Variants in UGT8 observed in about 807,000 individuals in gnomAD.
UGT8 encodes the protein UDP glycosyltransferase 8.
A neutral mutation model predicts 40.5 loss-of-function variants in UGT8; 12 were observed. The ratio of observed to expected loss-of-function variants is 0.30; its 90% CI spans 0.19 to 0.48. The LOEUF (loss-of-function observed/expected upper bound fraction) is 0.48. Ranked by LOEUF, UGT8 falls within the 20% of genes least tolerant of loss-of-function variation. UGT8 has a pLI of 0.99. For synonymous variants in UGT8, 224 were observed against 240.4 expected, an observed-to-expected ratio of 0.93 and a Z score of 0.63; for missense variants, 513 against 648.7, an observed-to-expected ratio of 0.79 and a Z score of 2.27.
Position 114,668,297 on chromosome 4 carries a change from A to C in UGT8, c.1255A>C (p.Asn419His). The C allele has an allele frequency of 3.1e-6, 5 of 1,613,504 alleles. No homozygotes were observed. Among genetic ancestry groups the C allele is most frequent in the Non-Finnish European group, 4.2e-6 (5 of 1,179,558 alleles). ...LYEALVKVINNPSYRQRAQKL... is the reference protein window; with the variant it reads ...LYEALVKVINHPSYRQRAQKL... ...TGAAGCACTAGTGAAGGTTATCAAT[A>C]ATCCCAGGTAAGGTTTCAATTAACA... Residue 419 changes from asparagine (N) to histidine (H), a missense_variant, in exon 5 of 6, where the codon AAT becomes CAT. Asn to His is a moderately conservative substitution (Grantham distance 68, BLOSUM62 1). Coordinates refer to ENST00000310836, the MANE Select transcript of UGT8 (RefSeq NM_001128174.3).
chr4:114,674,615 ATCT>A (rs1195088756), intron 5 of UGT8, among the ~76,000 whole-genome samples: 4 of 152,252 alleles, frequency 2.6e-5, no homozygotes, highest in African/African-American at 4.8e-5. Flanking sequence ...GGGAAGACTC[ATCT>A]TCTTCCAATC....
At chr4:114,624,731 G>A (rs549062547) in intron 2 of UGT8, among the ~76,000 whole-genome samples, 5 of 152,102 alleles carry the variant, frequency 3.3e-5, no homozygotes, top group Middle Eastern at 3.4e-3. Flanking sequence ...AGAAATATAC[G>A]ACCTGTAGGC....
At chr4:114,601,749 G>C (rs1335215888) in intron 1 of UGT8, among the ~76,000 whole-genome samples, 1 of 151,754 alleles carries the variant, frequency 6.6e-6, no homozygotes, top group Non-Finnish European at 1.5e-5. Flanking sequence ...GTATAGAGCT[G>C]TTTTTGTTTA....
intron 2 of UGT8, among the ~76,000 whole-genome samples, chr4:114,661,469 A>G (rs116679208): frequency 4.8e-4 from 73 of 152,266 alleles, no homozygotes; most frequent in African/African-American, 1.7e-3. Context: ...TGAAGTTCCA[A>G]TTTCAAAGTT....
rs1176288137 is a variant in UGT8, at chr4:114,678,185, C to G, written c.*1897C>G. 1 of 152,024 alleles carries G rather than the reference C, an allele frequency of 6.6e-6. No individual in the cohort carries two copies. Among genetic ancestry groups the G allele is most frequent in the Non-Finnish European group, 1.5e-5 (1 of 68,004 alleles). The allele number at this position is 152,024 out of a possible 1,614,324, so 9.4% of individuals were successfully genotyped here. ...ATGATTAAACATAAGTTAATCTCCA[C>G]TGTGATAAAAACTTAAATAATAAAC... On this transcript the variant is annotated 3_prime_UTR_variant, in exon 6 of 6. Transcript: ENST00000310836.
In UGT8 at chr4:114,612,264, C is replaced by CCAAA. The variant is rs1332560099; in HGVS notation, c.-2-10615_-2-10614insCAAA. On this transcript the variant is annotated intron_variant, in intron 1 of 5. Transcript: ENST00000310836. ...TAGTTGTTTATTTTGGTATACTTTG[C>CCAAA]TATGACATTGTACAAGTGTAGCCTA... is the stretch of plus-strand genomic sequence containing the variant. Among the ~76,000 whole-genome samples the CCAAA allele has an allele frequency of 7.2e-5, 11 of 152,092 alleles. No homozygotes were observed. In the East Asian group the frequency reaches 2.1e-3, roughly 29 times the overall value.
Position 114,633,269 on chromosome 4 carries a change from A to T in UGT8, c.822+9567A>T, listed in dbSNP as rs556860499. On this transcript the variant is annotated intron_variant, in intron 2 of 5. Coordinates refer to ENST00000310836, the MANE Select transcript of UGT8 (RefSeq NM_001128174.3). ...TAGTCTAATAGGGGAAATAATAAAGATGTAAACAAATTAATATGATGCATA... is the reference window on the plus strand; with the variant it reads ...TAGTCTAATAGGGGAAATAATAAAGTTGTAAACAAATTAATATGATGCATA... Among the ~76,000 whole-genome samples the T allele has an allele frequency of 1.7e-3, 266 of 152,338 alleles. 2 individuals are homozygous for T. The highest frequency in any genetic ancestry group is 6.0e-3 in the South Asian group (29 of 4,830).
intron 2 of UGT8, among the ~76,000 whole-genome samples, chr4:114,626,230 A>T (rs1251190601): frequency 1.3e-5 from 2 of 152,166 alleles, no homozygotes; most frequent in Non-Finnish European, 2.9e-5. Context: ...TAGTAGATTT[A>T]TTTGAGATAA....
intron 1 of UGT8, among the ~76,000 whole-genome samples, chr4:114,611,221 T>C (rs1257128948): frequency 6.6e-6 from 1 of 151,876 alleles, no homozygotes; most frequent in African/African-American, 2.4e-5. Context: ...GTATGATTTG[T>C]GAAACTTTTC....
At chr4:114,655,330 G>A (rs1486767023) in intron 2 of UGT8, among the ~76,000 whole-genome samples, 1 of 152,016 alleles carries the variant, frequency 6.6e-6, no homozygotes, top group Non-Finnish European at 1.5e-5. Context: ...GGATGCATCT[G>A]TGAGGGGTTT....
intron 2 of UGT8, among the ~76,000 whole-genome samples, chr4:114,625,950 A>G (rs895535941): frequency 2.0e-5 from 3 of 152,098 alleles, no homozygotes; most frequent in Admixed American, 6.6e-5. Flanking sequence ...TTGTTTACAA[A>G]GTTTGCTTTG....
At chr4:114,610,756 T>C (rs930677056) in intron 1 of UGT8, among the ~76,000 whole-genome samples, 3 of 152,142 alleles carry the variant, frequency 2.0e-5, no homozygotes, top group Non-Finnish European at 2.9e-5. Flanking sequence ...ACCTAGAGTT[T>C]TGTTTCTTGT....
Position 114,639,069 on chromosome 4 carries a change from C to T in UGT8, c.822+15367C>T, listed in dbSNP as rs4585329. Among the ~76,000 whole-genome samples, 1,143 of 152,248 alleles carry T rather than the reference C, an allele frequency of 7.5e-3. 7 individuals carry two copies. The highest frequency in any genetic ancestry group is 0.011 in the Non-Finnish European group (729 of 68,002). ...GAGACTCCATTAGATGCTGGAGATA[C>T]AAAATAAAATGCCGTAAACCTTAAA... On this transcript the variant is annotated intron_variant, in intron 2 of 5. Coordinates refer to ENST00000310836, the MANE Select transcript of UGT8 (RefSeq NM_001128174.3).
At chr4:114,598,524 G>C (rs1396543283), upstream of UGT8, 1 of 152,282 alleles carries the variant, frequency 6.6e-6, no homozygotes, top group Non-Finnish European at 1.5e-5. Flanking sequence ...CTGCGAGCGC[G>C]TGGTACGAAG....
intron 1 of UGT8, chr4:114,622,544 A>C (rs552490706): frequency 3.3e-5 from 7 of 212,230 alleles, no homozygotes; most frequent in African/African-American, 1.6e-4. Flanking sequence ...ACTAGTTTAC[A>C]GTCCCACCAA....
intron 2 of UGT8, among the ~76,000 whole-genome samples, chr4:114,630,700 T>G (rs1259317289): frequency 6.6e-6 from 1 of 152,108 alleles, no homozygotes; most frequent in African/African-American, 2.4e-5. Context: ...ATGACAATTG[T>G]GTGAGATACG....
In UGT8 at chr4:114,608,084, G is replaced by T. The variant is rs530051640; in HGVS notation, c.-3+9110G>T. 9.1e-4 allele frequency among the ~76,000 whole-genome samples: 138 copies of T among 152,200 alleles called. 1 individual carries two copies. The highest frequency in any genetic ancestry group is 2.9e-3 in the African/African-American group (119 of 41,504). On this transcript the variant is annotated intron_variant, in intron 1 of 5. Coordinates refer to ENST00000310836, the MANE Select transcript of UGT8 (RefSeq NM_001128174.3). ...TCAGACTTATTTATTTTCTCATATT[G>T]CTCAATAGGATTCTATCCTGTTTAC...
chr4:114,637,793 C>T (rs1732977409), intron 2 of UGT8, among the ~76,000 whole-genome samples: 1 of 152,122 alleles, frequency 6.6e-6, no homozygotes, highest in South Asian at 2.1e-4. Context: ...TTAAAAACAG[C>T]AAGTACATTT....
chr4:114,612,466 T>C (rs1274927666), intron 1 of UGT8, among the ~76,000 whole-genome samples: 1 of 152,198 alleles, frequency 6.6e-6, no homozygotes, highest in African/African-American at 2.4e-5. Context: ...TTATGTGCAG[T>C]TGGACTATAG....
Sources: allele counts gnomAD v4.1 joint callset (sites outside exome capture counted in the v4.1 genomes callset), GRCh38; gene constraint gnomAD v4.1.1; transcripts MANE v1.5; gene names NCBI Gene and HGNC (gene_info 2026-07-23, HGNC 2026-07-21).